The following ADCY8 variants were observed in gnomAD, a reference collection of about 807,000 sequenced individuals.
ADCY8 encodes adenylate cyclase type 8.
ADCY8 carries 51 observed loss-of-function variants against 119.7 expected under a neutral mutation model. That is an observed-to-expected ratio of 0.43 (90% CI 0.34 to 0.54). The LOEUF is 0.54. Among genes scored for constraint, ADCY8 ranks in the 20% least tolerant of loss-of-function variants. The pLI is 0.03. For synonymous variants in ADCY8, 665 were observed against 651.0 expected (o/e 1.02, Z -0.33); for missense variants, 1,383 against 1,598.8 (o/e 0.87, Z 2.30).
chr8:130,960,691 C>T (rs1821574145), intron 2 of ADCY8, among the ~76,000 whole-genome samples: 2 of 152,086 alleles, frequency 1.3e-5, no homozygotes, highest in African/African-American at 2.4e-5. Flanking sequence ...ACAGCAACAA[C>T]ACTAAAGTAG....
intron 6 of ADCY8, among the ~76,000 whole-genome samples, chr8:130,904,523 G>C (rs1353376624): frequency 1.3e-5 from 2 of 152,156 alleles, no homozygotes; most frequent in Non-Finnish European, 1.5e-5. Flanking sequence ...TTTGTAACTT[G>C]TTTCTCCAAC....
chr8:130,982,550 G>A (rs1822271482), intron 2 of ADCY8, among the ~76,000 whole-genome samples: 1 of 152,164 alleles, frequency 6.6e-6, no homozygotes, highest in African/African-American at 2.4e-5. Context: ...ATTTCTAATT[G>A]AGAGATGAGG....
At chr8:130,796,677 GGGCT>G (rs1345740210) in intron 15 of ADCY8, among the ~76,000 whole-genome samples, 11 of 152,042 alleles carry the variant, frequency 7.2e-5, no homozygotes, top group Non-Finnish European at 1.3e-4. Context: ...GAGAGTGTTT[GGGCT>G]GGCAATTCAG....
rs1821277341 is a variant in ADCY8, at chr8:130,951,749, T to C, written c.1241+119A>G. On this transcript the variant is annotated intron_variant, in intron 3 of 17. Coordinates refer to ENST00000286355, the MANE Select transcript of ADCY8 (RefSeq NM_001115.3). ...GAATAATCACTAGGTAATGAATTAA[T>C]CAACCAGATGAGGAAAGGTGCTGAC... 5 of 1,244,622 alleles carry C rather than the reference T, an allele frequency of 4.0e-6. No homozygotes were observed. The African/African-American group carries it at 7.5e-5, about 19-fold the overall frequency. The allele number at this position is 1,244,622 out of a possible 1,614,324, so 77.1% of individuals were successfully genotyped here.
intron 4 of ADCY8, among the ~76,000 whole-genome samples, chr8:130,941,046 T>C (rs1002623902): frequency 1.3e-5 from 2 of 152,180 alleles, no homozygotes; most frequent in Non-Finnish European, 2.9e-5. Context: ...TGAAAAAGAC[T>C]CTCAAAGCAA....
intron 2 of ADCY8, among the ~76,000 whole-genome samples, chr8:130,958,497 T>C (rs938721803): frequency 2.6e-5 from 4 of 152,030 alleles, no homozygotes; most frequent in African/African-American, 4.8e-5. Context: ...TGGGTAATAA[T>C]AAAGGAAAGA....
At chr8:130,873,927 G>A (rs1458650946) in intron 8 of ADCY8, among the ~76,000 whole-genome samples, 1 of 152,048 alleles carries the variant, frequency 6.6e-6, no homozygotes. Context: ...TGTTCATTTT[G>A]CATTAGTGGA....
At chr8:130,918,055 T>A (rs1820183980) in intron 5 of ADCY8, among the ~76,000 whole-genome samples, 1 of 152,156 alleles carries the variant, frequency 6.6e-6, no homozygotes, top group African/African-American at 2.4e-5. Flanking sequence ...TTTTTGGAGT[T>A]ATTACAATTT....
At chr8:130,982,506 C>G (rs1208055523) in intron 2 of ADCY8, among the ~76,000 whole-genome samples, 1 of 152,114 alleles carries the variant, frequency 6.6e-6, no homozygotes, top group Non-Finnish European at 1.5e-5. Flanking sequence ...ATTTGTCTCT[C>G]AAAACACTCC....
Position 130,957,768 on chromosome 8 carries a change from G to A in ADCY8, c.1111-5770C>T, listed in dbSNP as rs149466610. Among the ~76,000 whole-genome samples, 1,182 of 152,086 alleles carry A rather than the reference G, an allele frequency of 7.8e-3. 20 individuals carry two copies. Among genetic ancestry groups the A allele is most frequent in the African/African-American group, 0.026 (1,088 of 41,476 alleles). ...AAGGGGTCAATGTAGAGCTCAGGCC[G>A]TGGTTTCAGAGGGTGCAAGCCCCAA... On this transcript the variant is annotated intron_variant, in intron 2 of 17. Coordinates refer to ENST00000286355, the MANE Select transcript of ADCY8 (RefSeq NM_001115.3).
intron 13 of ADCY8, among the ~76,000 whole-genome samples, chr8:130,816,424 T>TTTA (rs1816344359): frequency 9.4e-6 from 1 of 106,124 alleles, no homozygotes; most frequent in Non-Finnish European, 2.0e-5. Context: ...TTAATTTTTT[T>TTTA]TTCTTTTTTT....
chr8:130,877,397 A>T (rs1411864545), intron 8 of ADCY8, among the ~76,000 whole-genome samples: 1 of 152,290 alleles, frequency 6.6e-6, no homozygotes, highest in South Asian at 2.1e-4. Context: ...CAAACCAAGC[A>T]TACTGAATGC....
chr8:130,891,661 T>C (rs928674227), intron 7 of ADCY8, among the ~76,000 whole-genome samples: 2 of 152,178 alleles, frequency 1.3e-5, no homozygotes, highest in Admixed American at 6.6e-5. Context: ...ACAATTTTTT[T>C]CCCTCAAATC....
At chr8:130,952,282 C>A (rs1360443054) in intron 2 of ADCY8, among the ~76,000 whole-genome samples, 3 of 152,062 alleles carry the variant, frequency 2.0e-5, no homozygotes, top group Admixed American at 6.6e-5. Flanking sequence ...CCCAAAGATA[C>A]CTACACACAT....
chr8:130,932,585 C>T (rs11774077), intron 5 of ADCY8, among the ~76,000 whole-genome samples: 5,662 of 152,222 alleles, frequency 0.037, 135 homozygotes, highest in South Asian at 0.08. Context: ...CCTGCCTACT[C>T]CATTTAATGT....
At chr8:130,966,033 G>C (rs183473781) in intron 2 of ADCY8, among the ~76,000 whole-genome samples, 1 of 152,304 alleles carries the variant, frequency 6.6e-6, no homozygotes, top group East Asian at 1.9e-4. Context: ...TGGTCATCAA[G>C]ATACTCATAT....
At chr8:130,849,079 C>T (rs901154232) in intron 10 of ADCY8, among the ~76,000 whole-genome samples, 11 of 152,122 alleles carry the variant, frequency 7.2e-5, no homozygotes, top group African/African-American at 2.7e-4. Flanking sequence ...ACCCCACTCC[C>T]ACTCCCAGAG....
At chr8:130,912,328 G>T (rs1820006661) in intron 5 of ADCY8, among the ~76,000 whole-genome samples, 1 of 152,172 alleles carries the variant, frequency 6.6e-6, no homozygotes, top group East Asian at 1.9e-4. Context: ...ACACTTAGCA[G>T]GTGTTTACTG....
intron 1 of ADCY8, among the ~76,000 whole-genome samples, chr8:131,016,776 C>G (rs1823487736): frequency 6.6e-6 from 1 of 152,068 alleles, no homozygotes; most frequent in Non-Finnish European, 1.5e-5. Flanking sequence ...ATTGTAGGGA[C>G]ACTGGCTCGA....
Sources: allele counts gnomAD v4.1 joint callset (sites outside exome capture counted in the v4.1 genomes callset), GRCh38; gene constraint gnomAD v4.1.1; transcripts MANE v1.5; gene names NCBI Gene and HGNC (gene_info 2026-07-23, HGNC 2026-07-21).